PRAMEF20: variants seen among roughly 807,000 people sequenced by gnomAD.
PRAMEF20 encodes the protein PRAME family member 20.
PRAMEF20 carries 27 observed loss-of-function variants against 32.4 expected under a neutral mutation model. The ratio of observed to expected loss-of-function variants is 0.83; its 90% CI spans 0.61 to 1.15. The LOEUF is 1.15. Ranked by LOEUF, PRAMEF20 falls within the 50% of genes most tolerant of loss-of-function variation. The pLI is 0.00. For synonymous variants in PRAMEF20, 256 were observed against 235.4 expected, an observed-to-expected ratio of 1.09 and a Z score of -0.80; for missense variants, 604 against 584.5, an observed-to-expected ratio of 1.03 and a Z score of -0.34.
At chr1:13,414,461 A>G (rs1378713978), upstream of PRAMEF20, among the ~76,000 whole-genome samples, 3 of 151,190 alleles carry the variant, frequency 2.0e-5, no homozygotes, top group Admixed American at 6.6e-5. Flanking sequence ...TTTCCTTTTT[A>G]CTAAAAGTTT....
upstream of PRAMEF20, among the ~76,000 whole-genome samples, chr1:13,414,127 C>T (rs1232146466): frequency 2.7e-5 from 4 of 150,686 alleles, no homozygotes; most frequent in South Asian, 2.1e-4. Flanking sequence ...CTGCAACCTC[C>T]GACTCTCTGG....
rs555527764 is a variant in PRAMEF20 at position 13,416,439 on chromosome 1, G to A, written c.85G>A (p.Glu29Lys). Residue 29 changes from glutamate (E) to lysine (K), a missense_variant, in exon 1 of 3, where the codon GAG becomes AAG. Transcript: ENST00000602960. ...CGAGGCCTTGGCCATCTCCACCCTGGAGGAGCTGCCCACGGAACTTTTTCC... is the reference window on the plus strand; with the variant it reads ...CGAGGCCTTGGCCATCTCCACCCTGAAGGAGCTGCCCACGGAACTTTTTCC... 121 of 1,613,992 alleles carry A rather than the reference G, an allele frequency of 7.5e-5. No homozygotes were observed. In the African/African-American group the frequency reaches 1.3e-3, roughly 18 times the overall value.
At chr1:13,412,238 C>T (rs1641121706), upstream of PRAMEF20, among the ~76,000 whole-genome samples, 1 of 151,708 alleles carries the variant, frequency 6.6e-6, no homozygotes, top group Non-Finnish European at 1.5e-5. Flanking sequence ...GGCTGGTCTC[C>T]AACTCCTGAC....
upstream of PRAMEF20, among the ~76,000 whole-genome samples, chr1:13,411,516 C>G (rs950657457): frequency 6.6e-6 from 1 of 152,026 alleles, no homozygotes; most frequent in African/African-American, 2.4e-5. Context: ...GTAAGAAAAA[C>G]AGTCTTAAAG....
chr1:13,420,874 A>G lies in PRAMEF20; in HGVS notation c.1044A>G (p.Ala348=). The change falls in exon 3 of 3, where the codon GCA becomes GCG. Residue 348 remains alanine (A), a synonymous_variant. Coordinates refer to ENST00000602960, the Ensembl canonical transcript of PRAMEF20. ...TCCAAGTTCTCCTAGAAAAAGTTGC[A>G]GCCACCCTTGAGTACCTGGACTTAG... 10 of 1,613,916 alleles carry G rather than the reference A, an allele frequency of 6.2e-6. No individual in the cohort carries two copies. In the South Asian group the frequency reaches 1.1e-4, roughly 18 times the overall value.
At chr1:13,413,712 T>C (rs1292907459), upstream of PRAMEF20, among the ~76,000 whole-genome samples, 1 of 152,020 alleles carries the variant, frequency 6.6e-6, no homozygotes, top group Admixed American at 6.6e-5. Flanking sequence ...GAAAGGTCCA[T>C]AAAATCCTCT....
upstream of PRAMEF20, among the ~76,000 whole-genome samples, chr1:13,414,988 T>G (rs1426289901): frequency 1.4e-5 from 2 of 145,038 alleles, no homozygotes; most frequent in Non-Finnish European, 3.0e-5. Context: ...TTAGTAGAGA[T>G]GAGGTTTCAC....
At chr1:13,414,761 A>C (rs1203628927), upstream of PRAMEF20, among the ~76,000 whole-genome samples, 3 of 152,108 alleles carry the variant, frequency 2.0e-5, no homozygotes, top group Non-Finnish European at 4.4e-5. Context: ...CACCGCACCC[A>C]GCCCCTTTAA....
chr1:13,410,743 G>C, the PRAMEF20 span, among the ~76,000 whole-genome samples: 13 of 151,520 alleles, frequency 8.6e-5, no homozygotes, highest in Admixed American at 8.6e-4. Context: ...TTCTTGGTGG[G>C]AGTAGTGACC....
In PRAMEF20 at chr1:13,416,609, T is replaced by G. The variant is rs764298845; in HGVS notation, c.255T>G (p.Leu85=). The change falls in exon 1 of 3, where the codon CTT becomes CTG. Residue 85 remains leucine, a synonymous_variant. Coordinates refer to ENST00000602960, the Ensembl canonical transcript of PRAMEF20. Reference sequence around the variant, plus strand: ...CCTTCCAAGCTGTGCTCGATGGGCTTGATGCACTGCTTACCCACAGGGTTC... The same window carrying G: ...CCTTCCAAGCTGTGCTCGATGGGCTGGATGCACTGCTTACCCACAGGGTTC... The G allele has an allele frequency of 5.0e-6, 8 of 1,613,966 alleles. No homozygotes were observed. The Admixed American group carries it at 1.0e-4, about 20-fold the overall frequency.
chr1:13,416,265 C>G (rs532931288), upstream of PRAMEF20: 448 of 1,609,292 alleles, frequency 2.8e-4, 2 homozygotes, highest in East Asian at 9.7e-3. Flanking sequence ...GACTTTGGCC[C>G]TGGGAGATGA....
chr1:13,414,754 C>T (rs1012396915), upstream of PRAMEF20, among the ~76,000 whole-genome samples: 22 of 151,906 alleles, frequency 1.4e-4, no homozygotes, highest in Non-Finnish European at 2.1e-4. Flanking sequence ...TGTGAACCAC[C>T]GCACCCAGCC....
At chr1:13,420,567 C>G in intron 2 of PRAMEF20, 130 bp from the exon 4 acceptor site, 2 of 1,276,266 alleles carry the variant, frequency 1.6e-6, no homozygotes, top group Middle Eastern at 2.0e-4. Flanking sequence ...TAAGTGTTGA[C>G]TATCAGACAA....
chr1:13,420,814 T>A, exon 3 of PRAMEF20: 1 of 1,602,964 alleles, frequency 6.2e-7, no homozygotes, highest in Non-Finnish European at 8.5e-7. Context: ...TGGACCTGAG[T>A]GGCACCAGAC....
upstream of PRAMEF20, among the ~76,000 whole-genome samples, chr1:13,415,356 A>G (rs1641158240): frequency 6.6e-6 from 1 of 151,862 alleles, no homozygotes; most frequent in Admixed American, 6.6e-5. Flanking sequence ...TGCTGGGATT[A>G]CAGGCATAAG....
chr1:13,421,149 G>C (rs1006603591), exon 3 of PRAMEF20: 7 of 1,613,848 alleles, frequency 4.3e-6, no homozygotes, highest in Non-Finnish European at 5.9e-6. Flanking sequence ...CTGATGGGGA[G>C]AGTGAGGGCC....
At chr1:13,416,831 G>C (rs937793434) in intron 1 of PRAMEF20, among the ~76,000 whole-genome samples, 190 bp downstream of exon 2, 19 of 152,322 alleles carry the variant, frequency 1.2e-4, no homozygotes, top group Admixed American at 5.9e-4. Context: ...GGGGTCCACC[G>C]AGGTAACAGG....
At chr1:13,417,156 C>T (rs533096209) in intron 1 of PRAMEF20, among the ~76,000 whole-genome samples, 4 of 152,218 alleles carry the variant, frequency 2.6e-5, no homozygotes, top group Admixed American at 1.3e-4. Context: ...GCTTCCACAG[C>T]GTGGAAGGGG....
chr1:13,416,731 G>C, intron 1 of PRAMEF20, 90 bp downstream of exon 2: 1 of 1,604,220 alleles, frequency 6.2e-7, no homozygotes, highest in Non-Finnish European at 8.5e-7. Flanking sequence ...GTCCAAGGAG[G>C]GCCCACAGGC....
Sources: allele counts gnomAD v4.1 joint callset (sites outside exome capture counted in the v4.1 genomes callset), GRCh38; gene constraint gnomAD v4.1.1; transcripts MANE v1.5; gene names NCBI Gene and HGNC (gene_info 2026-07-23, HGNC 2026-07-21).